The following LSR variants were observed in gnomAD, a reference collection of about 807,000 sequenced individuals.
The protein encoded by LSR is lipolysis-stimulated lipoprotein receptor.
Under a neutral mutation model 61.8 loss-of-function variants are expected in LSR, and 44 were observed. That is an observed-to-expected ratio of 0.71 (90% confidence interval 0.56 to 0.91). The LOEUF is 0.91. Ranked by LOEUF, LSR falls within the 40% of genes least tolerant of loss-of-function variation. The probability of loss-of-function intolerance (pLI) is 0.00; values close to 1 mark genes in which losing one functional copy is unlikely to be tolerated. For missense variants in LSR, 911 were observed against 830.5 expected (o/e 1.10, Z -1.19); for synonymous variants, 397 against 350.6 (o/e 1.13, Z -1.48).
chr19:35,253,838 C>T (rs1313276041), intron 2 of LSR, among the ~76,000 whole-genome samples: 2 of 152,182 alleles, frequency 1.3e-5, no homozygotes. Flanking sequence ...AGGGTGCTTC[C>T]TCTGCTGGAC....
In LSR at chr19:35,262,550, G is replaced by C. The variant is rs1293277544; in HGVS notation, c.636G>C (p.Trp212Cys). The change falls in exon 5 of 10, where the codon TGG (tryptophan) becomes TGC (cysteine). Residue 212 changes from tryptophan to cysteine, a missense_variant. Coordinates refer to ENST00000605618, the MANE Select transcript of LSR (RefSeq NM_205834.4). ...PGFQAGPIED[W>C]LFVVVVCLAA... ...GGGCCTGTTGTCTTTCTGCAGACTG[G>C]CTCTTCGTGGTTGTGGTATGCCTGG... 1.2e-6 allele frequency: 2 copies of C among 1,614,082 alleles called. No individual in the cohort carries two copies. Among genetic ancestry groups the C allele is most frequent in the African/African-American group, 1.3e-5 (1 of 74,934 alleles).
At chr19:35,260,899 G>T (rs954077865) in intron 3 of LSR, among the ~76,000 whole-genome samples, 1 of 152,150 alleles carries the variant, frequency 6.6e-6, no homozygotes, top group Non-Finnish European at 1.5e-5. Flanking sequence ...GCATCAGGGA[G>T]CCTGGGAAAC....
At chr19:35,253,950 G>A (rs922859033) in intron 2 of LSR, among the ~76,000 whole-genome samples, 1 of 152,088 alleles carries the variant, frequency 6.6e-6, no homozygotes, top group Admixed American at 6.6e-5. Flanking sequence ...CCCCACCTGG[G>A]CCTGTGTTTG....
At position 35,267,843 on chromosome 19, in the gene LSR, AAAGTT is replaced by A; in HGVS notation, c.1791_1795del (p.Glu597AspfsTer6). 1 of 1,613,254 alleles carries A rather than the reference AAAGTT, an allele frequency of 6.2e-7. No individual in the cohort carries two copies. Among genetic ancestry groups the A allele is most frequent in the African/African-American group, 1.3e-5 (1 of 74,830 alleles). On this transcript the variant is annotated frameshift_variant, in exon 10 of 10. Transcript: ENST00000605618. LOFTEE classifies it high-confidence loss of function. The stretch of plus-strand genomic sequence containing the variant: ...TTGCAGAACTTGGCCCTGAGTCGGG[AAAGTT>A]TAGTCGTCTGATCTGACGTTTTCTA...
At chr19:35,265,556 C>G (rs1438696081) in intron 5 of LSR, among the ~76,000 whole-genome samples, 2 of 152,208 alleles carry the variant, frequency 1.3e-5, no homozygotes, top group African/African-American at 4.8e-5. Context: ...GCCCATCTCT[C>G]TCCTCCATTT....
At chr19:35,255,552 G>C (rs541775012) in intron 2 of LSR, among the ~76,000 whole-genome samples, 1 of 152,172 alleles carries the variant, frequency 6.6e-6, no homozygotes, top group Non-Finnish European at 1.5e-5. Context: ...TGGAGTTCAA[G>C]ATCAACCTGG....
intron 2 of LSR, among the ~76,000 whole-genome samples, chr19:35,258,672 G>C (rs1279652521): frequency 6.6e-6 from 1 of 152,054 alleles, no homozygotes; most frequent in East Asian, 1.9e-4. Flanking sequence ...CTGAAGAGCT[G>C]TGCAGCTTTT....
At chr19:35,258,362 C>G (rs1230823895) in intron 2 of LSR, among the ~76,000 whole-genome samples, 1 of 151,942 alleles carries the variant, frequency 6.6e-6, no homozygotes, top group African/African-American at 2.4e-5. Flanking sequence ...AGGAGAATTG[C>G]TTGAATCTGG....
intron 2 of LSR, among the ~76,000 whole-genome samples, chr19:35,254,134 C>T (rs1465824946): frequency 6.6e-6 from 1 of 152,134 alleles, no homozygotes; most frequent in Non-Finnish European, 1.5e-5. Context: ...TTTTCTGTTG[C>T]CCAGGCTGGA....
chr19:35,260,021 C>T (rs1268419563), intron 3 of LSR, among the ~76,000 whole-genome samples: 1 of 152,190 alleles, frequency 6.6e-6, no homozygotes, highest in Admixed American at 6.5e-5. Flanking sequence ...GCCATCTTCA[C>T]ATGTGTGAAT....
chr19:35,266,053 C>T (rs2065993157), intron 5 of LSR, among the ~76,000 whole-genome samples: 1 of 152,194 alleles, frequency 6.6e-6, no homozygotes, highest in Non-Finnish European at 1.5e-5. Context: ...CAAATGTTGG[C>T]GAATTACCAT....
chr19:35,261,879 G>C, intron 3 of LSR, 46 bp from the exon 4 acceptor site: 1 of 1,335,994 alleles, frequency 7.5e-7, no homozygotes, highest in African/African-American at 1.5e-5. Context: ...GGCACAGCCT[G>C]GGCTGGCTCT....
At chr19:35,256,180 G>A (rs1248578561) in intron 2 of LSR, among the ~76,000 whole-genome samples, 1 of 151,024 alleles carries the variant, frequency 6.6e-6, no homozygotes, top group Non-Finnish European at 1.5e-5. Flanking sequence ...GCTGCAGTGA[G>A]CCAAGATCGT....
Position 35,267,668 on chromosome 19 carries a change from C to T in LSR, c.1704C>T (p.Tyr568=). The T allele has an allele frequency of 6.2e-7, 1 of 1,605,700 alleles. No homozygotes were observed. Among genetic ancestry groups the T allele is most frequent in the Non-Finnish European group, 8.5e-7 (1 of 1,176,600 alleles). Residue 568 remains tyrosine, a synonymous_variant, in exon 9 of 10, where the codon TAC becomes TAT. Coordinates refer to ENST00000605618, the MANE Select transcript of LSR (RefSeq NM_205834.4). The stretch of plus-strand genomic sequence containing the variant: ...AGGAGGAGGAGGAAGAGGCCTACTA[C>T]CCGCCCGCGCCGCCCCCGTACTCGG... The part of the protein sequence containing the change: ...PHKEEEEEAY[Y]PPAPPPYSET...
intron 3 of LSR, among the ~76,000 whole-genome samples, chr19:35,261,633 G>T (rs907526143): frequency 1.5e-4 from 23 of 152,330 alleles, no homozygotes; most frequent in Admixed American, 6.5e-4. Context: ...ACCTATGAAT[G>T]AGGGAAACTT....
At chr19:35,262,856 G>T in intron 5 of LSR, 164 bp downstream of exon 5, 1 of 711,806 alleles carries the variant, frequency 1.4e-6, no homozygotes, top group Non-Finnish European at 2.2e-6. Flanking sequence ...TTAGATTGTC[G>T]TTTACTTCCT....
intron 5 of LSR, among the ~76,000 whole-genome samples, chr19:35,263,363 A>G (rs1379805854): frequency 6.6e-6 from 1 of 152,058 alleles, no homozygotes; most frequent in South Asian, 2.1e-4. Flanking sequence ...TAAGCAAAAA[A>G]AATTTTTTTT....
At position 35,267,664 on chromosome 19, in the gene LSR, A is replaced by G. The variant is rs776228260; in HGVS notation, c.1700A>G (p.Tyr567Cys). Residue 567 changes from tyrosine (Y) to cysteine (C), a missense_variant, in exon 9 of 10, where the codon TAC becomes TGC. Tyr to Cys is a radical substitution (Grantham distance 194, BLOSUM62 -2). Coordinates refer to ENST00000605618, the MANE Select transcript of LSR (RefSeq NM_205834.4). ...CACAAGGAGGAGGAGGAAGAGGCCT[A>G]CTACCCGCCCGCGCCGCCCCCGTAC... ...RPHKEEEEEAYYPPAPPPYSE... is the reference protein window; with the variant it reads ...RPHKEEEEEACYPPAPPPYSE... The G allele has an allele frequency of 3.1e-6, 5 of 1,606,226 alleles. No homozygotes were observed. The highest frequency in any genetic ancestry group is 1.1e-5 in the South Asian group (1 of 90,588).
intron 3 of LSR, 103 bp downstream of exon 3, chr19:35,259,167 G>T: frequency 6.9e-7 from 1 of 1,442,450 alleles, no homozygotes; most frequent in Admixed American, 2.0e-5. Context: ...CTTACCCTCT[G>T]GGCTCTGTCG....
Sources: allele counts gnomAD v4.1 joint callset (sites outside exome capture counted in the v4.1 genomes callset), GRCh38; gene constraint gnomAD v4.1.1; transcripts MANE v1.5; gene names NCBI Gene and HGNC (gene_info 2026-07-23, HGNC 2026-07-21).